Variants in MACROD2 observed in about 807,000 individuals in gnomAD.
The protein encoded by MACROD2 is mono-ADP ribosylhydrolase 2, also known as ADP-ribose glycohydrolase MACROD2.
MACROD2 carries 36 observed loss-of-function variants against 70.4 expected under a neutral mutation model. The observed-to-expected ratio is 0.51, with a 90% CI of 0.39 to 0.68. The LOEUF (loss-of-function observed/expected upper bound fraction) is 0.68. Ranked by LOEUF, MACROD2 falls within the 30% of genes least tolerant of loss-of-function variation. MACROD2 has a pLI of 0.00. For missense variants in MACROD2, 496 were observed against 538.4 expected (o/e 0.92, Z 0.78); for synonymous variants, 172 against 178.8 (o/e 0.96, Z 0.30).
intron 3 of MACROD2, among the ~76,000 whole-genome samples, chr20:14,483,080 A>G (rs1425161662): frequency 6.6e-6 from 1 of 152,188 alleles, no homozygotes; most frequent in Non-Finnish European, 1.5e-5. Flanking sequence ...AAGCTATGTT[A>G]TTTTTTAGTT....
At chr20:14,343,423 G>A (rs1423520020) in intron 3 of MACROD2, among the ~76,000 whole-genome samples, 1 of 152,018 alleles carries the variant, frequency 6.6e-6, no homozygotes, top group African/African-American at 2.4e-5. Context: ...TCCTATTATG[G>A]ACTTCAAATA....
At chr20:14,819,867 G>A (rs1174000647) in intron 5 of MACROD2, among the ~76,000 whole-genome samples, 8 of 152,026 alleles carry the variant, frequency 5.3e-5, no homozygotes, top group Non-Finnish European at 1.0e-4. Context: ...AGAAGAAGCC[G>A]AGGAGATGGA....
At chr20:15,965,792 A>G (rs993539509) in intron 12 of MACROD2, among the ~76,000 whole-genome samples, 3 of 152,212 alleles carry the variant, frequency 2.0e-5, no homozygotes, top group African/African-American at 4.8e-5. Flanking sequence ...ACAATTTGAC[A>G]TAAGTTAGAT....
intron 4 of MACROD2, among the ~76,000 whole-genome samples, chr20:14,672,814 A>G (rs1238634574): frequency 6.6e-6 from 1 of 152,232 alleles, no homozygotes; most frequent in Non-Finnish European, 1.5e-5. Context: ...TATTTTGAAC[A>G]TGTACTTATA....
chr20:15,240,273 T>A (rs2077050055), intron 6 of MACROD2, among the ~76,000 whole-genome samples: 2 of 152,252 alleles, frequency 1.3e-5, no homozygotes, highest in Admixed American at 1.3e-4. Flanking sequence ...CTATGAATCC[T>A]GCCTATATCT....
chr20:15,068,774 G>A (rs1272832604), intron 5 of MACROD2, among the ~76,000 whole-genome samples: 1 of 152,118 alleles, frequency 6.6e-6, no homozygotes, highest in Non-Finnish European at 1.5e-5. Context: ...CCAGCCTTAG[G>A]CATTCCTTTA....
At chr20:15,851,678 G>A (rs1219530259) in intron 8 of MACROD2, among the ~76,000 whole-genome samples, 6 of 152,190 alleles carry the variant, frequency 3.9e-5, no homozygotes, top group Non-Finnish European at 8.8e-5. Context: ...CTTTGGCCCA[G>A]AATAGATGGC....
chr20:14,594,545 C>G (rs1981993463), intron 4 of MACROD2, among the ~76,000 whole-genome samples: 1 of 152,122 alleles, frequency 6.6e-6, no homozygotes, highest in Non-Finnish European at 1.5e-5. Flanking sequence ...ATTTTTTCAT[C>G]TCTTCTTTAA....
chr20:15,713,987 GCACA>G (rs3071356), intron 8 of MACROD2, among the ~76,000 whole-genome samples: 4,681 of 117,696 alleles, frequency 0.04, 164 homozygotes, highest in African/African-American at 0.092. Flanking sequence ...ACACACATAT[GCACA>G]CACACACACA....
At chr20:14,551,038 A>AT (rs538639167) in intron 4 of MACROD2, among the ~76,000 whole-genome samples, 59 of 151,328 alleles carry the variant, frequency 3.9e-4, no homozygotes, top group Non-Finnish European at 5.0e-4. Context: ...GGAAATTATG[A>AT]TTTTTTTTTC....
chr20:15,628,414 A>G (rs948342753), intron 8 of MACROD2, among the ~76,000 whole-genome samples: 3 of 152,210 alleles, frequency 2.0e-5, no homozygotes, highest in African/African-American at 7.2e-5. Flanking sequence ...TCTATTGCTC[A>G]TGTTCTTAAC....
chr20:15,516,329 G>A (rs2047567368), intron 8 of MACROD2, among the ~76,000 whole-genome samples: 1 of 152,094 alleles, frequency 6.6e-6, no homozygotes, highest in Non-Finnish European at 1.5e-5. Context: ...GATTTCATGT[G>A]TAATTCTTTC....
At chr20:15,474,581 T>A (rs901065543) in intron 7 of MACROD2, among the ~76,000 whole-genome samples, 1 of 152,178 alleles carries the variant, frequency 6.6e-6, no homozygotes, top group Admixed American at 6.5e-5. Flanking sequence ...AAGTACAGAT[T>A]AAAAATGAGC....
chr20:14,978,976 G>A (rs922625404), intron 5 of MACROD2, among the ~76,000 whole-genome samples: 96 of 144,616 alleles, frequency 6.6e-4, no homozygotes, highest in African/African-American at 2.3e-3. Context: ...TAAGAGACAG[G>A]GCCTTTGCTC....
At chr20:14,854,061 A>G (rs1262914380) in intron 5 of MACROD2, among the ~76,000 whole-genome samples, 2 of 152,070 alleles carry the variant, frequency 1.3e-5, no homozygotes, top group Non-Finnish European at 2.9e-5. Flanking sequence ...TCTGCAGGCC[A>G]TTTAGTTTTA....
intron 4 of MACROD2, among the ~76,000 whole-genome samples, chr20:14,530,202 T>C (rs1446663143): frequency 1.3e-5 from 2 of 152,092 alleles, no homozygotes; most frequent in African/African-American, 2.4e-5. Context: ...CCAGGGCCCT[T>C]GTGATATGGT....
chr20:14,342,118 T>A (rs1006223088), intron 3 of MACROD2, among the ~76,000 whole-genome samples: 1 of 152,168 alleles, frequency 6.6e-6, no homozygotes, highest in Non-Finnish European at 1.5e-5. Flanking sequence ...GGTGGGGAGA[T>A]AACGCTGGTG....
intron 8 of MACROD2, among the ~76,000 whole-genome samples, chr20:15,658,726 T>A (rs1338281984): frequency 6.6e-6 from 1 of 152,186 alleles, no homozygotes; most frequent in Non-Finnish European, 1.5e-5. Flanking sequence ...CCAGATGTTG[T>A]GTGCTTTGCA....
At chr20:14,672,627 C>A (rs1286019873) in intron 4 of MACROD2, among the ~76,000 whole-genome samples, 2 of 152,174 alleles carry the variant, frequency 1.3e-5, no homozygotes, top group African/African-American at 4.8e-5. Context: ...AAGCACTGTA[C>A]ATGTTATCTC....
Sources: allele counts gnomAD v4.1 joint callset (sites outside exome capture counted in the v4.1 genomes callset), GRCh38; gene constraint gnomAD v4.1.1; transcripts MANE v1.5; gene names NCBI Gene and HGNC (gene_info 2026-07-23, HGNC 2026-07-21).